SYT9: variants seen among roughly 807,000 people sequenced by gnomAD.
The protein encoded by SYT9 is synaptotagmin 9, also known as synaptotagmin-9.
In SYT9, 22 loss-of-function variants were observed where a neutral mutation model predicts 48.4. That is an observed-to-expected ratio of 0.45 (90% CI 0.32 to 0.65). The LOEUF (loss-of-function observed/expected upper bound fraction) is 0.65. Among genes scored for constraint, SYT9 ranks in the 30% least tolerant of loss-of-function variants. SYT9 has a pLI of 0.03. For synonymous variants in SYT9, 265 were observed against 245.0 expected (o/e 1.08, Z -0.76); for missense variants, 577 against 622.0 (o/e 0.93, Z 0.77).
At chr11:7,347,626 G>A (rs1849827407) in intron 3 of SYT9, among the ~76,000 whole-genome samples, 1 of 152,156 alleles carries the variant, frequency 6.6e-6, no homozygotes, top group African/African-American at 2.4e-5. Context: ...TGTGGGAACT[G>A]GGGAGTCAGG....
intron 1 of SYT9, among the ~76,000 whole-genome samples, chr11:7,281,973 C>T (rs904984291): frequency 3.9e-5 from 6 of 152,180 alleles, no homozygotes; most frequent in Non-Finnish European, 7.3e-5. Context: ...GTAATTATGA[C>T]ACAGGGGATA....
chr11:7,315,302 C>G (rs1849222440), intron 3 of SYT9, among the ~76,000 whole-genome samples: 1 of 152,112 alleles, frequency 6.6e-6, no homozygotes, highest in South Asian at 2.1e-4. Flanking sequence ...TCCCAAATCC[C>G]AACTGACAAA....
At chr11:7,376,219 A>C (rs12785923) in intron 3 of SYT9, among the ~76,000 whole-genome samples, 43,086 of 151,784 alleles carry the variant, frequency 0.28, 6,370 homozygotes, top group African/African-American at 0.34. Flanking sequence ...TTAATAAATG[A>C]ATGAAAAATT....
chr11:7,278,208 C>A (rs920697283), intron 1 of SYT9, among the ~76,000 whole-genome samples: 1 of 152,148 alleles, frequency 6.6e-6, no homozygotes, highest in Non-Finnish European at 1.5e-5. Context: ...GGCCTCTCTT[C>A]TTCTTATAAA....
intron 3 of SYT9, 93 bp from the exon 4 acceptor site, chr11:7,415,949 A>G (rs1262524899): frequency 1.4e-6 from 2 of 1,475,604 alleles, no homozygotes; most frequent in Non-Finnish European, 1.9e-6. Flanking sequence ...CAAAAGGGGC[A>G]GTGTGTTCCC....
chr11:7,407,238 T>C (rs977250771), intron 3 of SYT9, among the ~76,000 whole-genome samples: 2 of 152,086 alleles, frequency 1.3e-5, no homozygotes, highest in Non-Finnish European at 2.9e-5. Context: ...TTATTTTTTG[T>C]TTTATTGTCT....
chr11:7,451,828 G>A (rs1414200763), intron 6 of SYT9, among the ~76,000 whole-genome samples: 1 of 152,174 alleles, frequency 6.6e-6, no homozygotes, highest in Non-Finnish European at 1.5e-5. Flanking sequence ...AAGTAGAGAA[G>A]GTGATAATGA....
intron 3 of SYT9, among the ~76,000 whole-genome samples, chr11:7,340,550 T>C (rs1196765696): frequency 2.0e-5 from 3 of 152,164 alleles, no homozygotes; most frequent in Admixed American, 6.5e-5. Flanking sequence ...GCAGGGTTAT[T>C]GTGCTAGAGT....
chr11:7,423,913 A>G (rs1176974677), intron 6 of SYT9, among the ~76,000 whole-genome samples: 1 of 152,252 alleles, frequency 6.6e-6, no homozygotes, highest in Non-Finnish European at 1.5e-5. Flanking sequence ...TCTTTAAAAC[A>G]AAAACCAGCA....
At position 7,440,647 on chromosome 11, in the gene SYT9, T is replaced by G. The variant is rs554972811; in HGVS notation, c.1467+20012T>G. On this transcript the variant is annotated intron_variant, in intron 6 of 6. Transcript: ENST00000318881. ...GAATACAGGTGGTATTTTCATTGCT[T>G]CTTCCTACTGCCCTTTGGAACTCTG... 4 of 152,346 alleles carry G rather than the reference T, an allele frequency of 2.6e-5. No individual in the cohort carries two copies. The South Asian group carries it at 6.2e-4, about 24-fold the overall frequency. 9.4% of individuals were successfully genotyped at this position (152,346 alleles called of 1,614,324 possible). A position where few individuals can be genotyped will look rare whatever the true frequency, so the allele number is the denominator to read the frequency against.
chr11:7,426,324 C>T (rs532974362), intron 6 of SYT9, among the ~76,000 whole-genome samples: 1 of 152,090 alleles, frequency 6.6e-6, no homozygotes, highest in Admixed American at 6.5e-5. Context: ...ACTTGGCCAC[C>T]TTGAGGCTGA....
At chr11:7,345,662 TCAA>T (rs1849786902) in intron 3 of SYT9, among the ~76,000 whole-genome samples, 1 of 152,168 alleles carries the variant, frequency 6.6e-6, no homozygotes, top group Non-Finnish European at 1.5e-5. Context: ...TGTGAGACAT[TCAA>T]GTATAAAAAA....
intron 6 of SYT9, among the ~76,000 whole-genome samples, chr11:7,459,582 T>C (rs1010406693): frequency 6.6e-6 from 1 of 152,188 alleles, no homozygotes; most frequent in African/African-American, 2.4e-5. Flanking sequence ...GTGCTGGATA[T>C]TGGTGGGGTA....
At chr11:7,277,447 A>G (rs1336177183) in intron 1 of SYT9, among the ~76,000 whole-genome samples, 1 of 152,220 alleles carries the variant, frequency 6.6e-6, no homozygotes, top group Non-Finnish European at 1.5e-5. Context: ...ATTAAGTTCA[A>G]AAGTCGACTT....
intron 3 of SYT9, among the ~76,000 whole-genome samples, chr11:7,397,094 C>G (rs1846770291): frequency 6.6e-6 from 1 of 152,086 alleles, no homozygotes; most frequent in Non-Finnish European, 1.5e-5. Flanking sequence ...TGGACATTTT[C>G]TCCTATGTTT....
chr11:7,454,043 AG>A, intron 6 of SYT9: 1 of 985,334 alleles, frequency 1.0e-6, no homozygotes, highest in Non-Finnish European at 1.2e-6. Context: ...GCTTCCCCAC[AG>A]GGCAGGATAC....
In SYT9 at chr11:7,466,847, A is replaced by G. The variant is rs1401503413; in HGVS notation, c.*47A>G. On this transcript the variant is annotated 3_prime_UTR_variant, in exon 7 of 7. Transcript: ENST00000318881. ...GTGCCAAGGACAAAATAGGACAACC[A>G]TCTCACAAAGATCTTAAGTAACTTT... The G allele has an allele frequency of 1.2e-6, 2 of 1,606,224 alleles. No homozygotes were observed. The highest frequency in any genetic ancestry group is 1.7e-5 in the Admixed American group (1 of 58,818).
At chr11:7,275,614 G>T (rs903882704) in intron 1 of SYT9, among the ~76,000 whole-genome samples, 2 of 152,076 alleles carry the variant, frequency 1.3e-5, no homozygotes, top group Non-Finnish European at 2.9e-5. Flanking sequence ...GAACATACCA[G>T]CCTTCAATAT....
At chr11:7,434,850 T>C (rs1847672323) in intron 6 of SYT9, 2 of 152,164 alleles carry the variant, frequency 1.3e-5, no homozygotes, top group South Asian at 4.1e-4. Flanking sequence ...CATTTAAAGT[T>C]TTATGTTTCT....
Sources: gnomAD v4.1 joint callset for allele counts (sites outside exome capture counted in the v4.1 genomes callset) on GRCh38, gnomAD v4.1.1 for gene constraint, MANE v1.5 for transcripts, NCBI Gene and HGNC (gene_info 2026-07-23, HGNC 2026-07-21) for gene names.